The following SNX31 variants were observed in gnomAD, a reference collection of about 807,000 sequenced individuals.
SNX31 encodes the protein sorting nexin 31, also known as sorting nexin-31.
SNX31 carries 58 observed loss-of-function variants against 65.4 expected under a neutral mutation model. The observed-to-expected ratio is 0.89, with a 90% CI of 0.72 to 1.10. The LOEUF (loss-of-function observed/expected upper bound fraction) is 1.10, where lower values mean the gene tolerates loss of function less well. Ranked by LOEUF, SNX31 falls within the 50% of genes least tolerant of loss-of-function variation. The pLI is 0.00. For synonymous variants in SNX31, 181 were observed against 190.1 expected (o/e 0.95, Z 0.39); for missense variants, 523 against 529.7 (o/e 0.99, Z 0.12).
rs1266629691 is a variant in SNX31 at position 100,622,791 on chromosome 8, T to A, written c.322-5061A>T. The stretch of plus-strand genomic sequence containing the variant: ...CGACTGCATACTTATCCTACAGATA[T>A]GTAAGAAGAGAATATTAAGGCTAAA... On this transcript the variant is annotated intron_variant, in intron 4 of 13. Transcript: ENST00000311812. The surrounding 1 kb of genome is among the most constrained non-coding windows in gnomAD (Gnocchi z 5.0). 6.6e-6 allele frequency among the ~76,000 whole-genome samples: 1 copy of A among 152,186 alleles called. No homozygotes were observed. The highest frequency in any genetic ancestry group is 2.4e-5 in the African/African-American group (1 of 41,434).
rs1816836078 is a variant in SNX31 at position 100,612,872 on chromosome 8, G to A, written c.523+123C>T. 1.2e-6 allele frequency: 1 copy of A among 823,032 alleles called. No individual in the cohort carries two copies. The highest frequency in any genetic ancestry group is 1.7e-5 in the African/African-American group (1 of 59,120). 51.0% of individuals were successfully genotyped at this position (823,032 alleles called of 1,614,324 possible). On this transcript the variant is annotated intron_variant, in intron 6 of 13. Transcript: ENST00000311812. This position sits in a 1 kb window ranked among gnomAD's most constrained non-coding sequence, Gnocchi z 4.3. ...TCCCTAAACCCTTAACCCAGTGACT[G>A]AGAACAGTGGTAGGGATCACAGCCC...
At chr8:100,639,533 GT>G (rs1470373713) in intron 2 of SNX31, among the ~76,000 whole-genome samples, 3 of 152,218 alleles carry the variant, frequency 2.0e-5, no homozygotes, top group African/African-American at 7.2e-5. Context: ...TGTAGTGGCA[GT>G]TTACACATAA....
At chr8:100,623,343 A>T (rs910616478) in intron 4 of SNX31, among the ~76,000 whole-genome samples, 2 of 152,152 alleles carry the variant, frequency 1.3e-5, no homozygotes, top group Admixed American at 1.3e-4. Context: ...CCATGATCCA[A>T]TCACCTCCCG....
intron 3 of SNX31, among the ~76,000 whole-genome samples, chr8:100,632,953 C>G (rs1380606024): frequency 7.2e-5 from 11 of 152,072 alleles, no homozygotes; most frequent in Admixed American, 7.2e-4. Context: ...GAGACAGGGT[C>G]TTTCTCTGTT....
chr8:100,633,456 T>A (rs1173347522), intron 3 of SNX31, among the ~76,000 whole-genome samples: 2 of 152,030 alleles, frequency 1.3e-5, no homozygotes, highest in Non-Finnish European at 2.9e-5. Context: ...CAGGCTGGAG[T>A]GCAATGGTGT....
rs1393917277 is a variant in SNX31, at chr8:100,614,637, G to A, written c.433-1552C>T. Among the ~76,000 whole-genome samples the A allele has an allele frequency of 1.3e-5, 2 of 152,142 alleles. No homozygotes were observed. The highest frequency in any genetic ancestry group is 4.8e-5 in the African/African-American group (2 of 41,432). On this transcript the variant is annotated intron_variant, in intron 5 of 13. Coordinates refer to ENST00000311812, the MANE Select transcript of SNX31 (RefSeq NM_152628.4). This position sits in a 1 kb window ranked among gnomAD's most constrained non-coding sequence, Gnocchi z 5.1. ...TGCCTGTAATCCCAGCACTTTGGAA[G>A]GCTGAGGCGGGTTGATCACCTAAGG...
chr8:100,576,274 A>T lies in SNX31; in HGVS notation c.1227+745T>A, dbSNP rs999690518. 6.6e-6 allele frequency among the ~76,000 whole-genome samples: 1 copy of T among 152,250 alleles called. No individual in the cohort carries two copies. Among genetic ancestry groups the T allele is most frequent in the Non-Finnish European group, 1.5e-5 (1 of 68,042 alleles). ...TTTACATACACACCAGTTCTGTGAC[A>T]GGTGCTGGATCAAGAAGAAATCCCA... On this transcript the variant is annotated intron_variant, in intron 13 of 13. Coordinates refer to ENST00000311812, the MANE Select transcript of SNX31 (RefSeq NM_152628.4). The surrounding 1 kb of genome is among the most constrained non-coding windows in gnomAD (Gnocchi z 4.8).
At chr8:100,654,468 A>G (rs912569371), upstream of SNX31, among the ~76,000 whole-genome samples, 5 of 152,366 alleles carry the variant, frequency 3.3e-5, no homozygotes, top group East Asian at 7.7e-4. Context: ...TCACTTCTCC[A>G]AACAAAAATA....
chr8:100,649,629 G>T lies in SNX31; in HGVS notation c.-115C>A. On this transcript the variant is annotated 5_prime_UTR_variant, in exon 1 of 14. It introduces an in-frame stop codon into an upstream open reading frame of the 5' UTR. Transcript: ENST00000311812. ...CGCGGCCTGCCACGCGACTCAGAGC[G>T]AACCCCGGCGCCCGCTCTCGCCGGC... 9.9e-7 allele frequency: 1 copy of T among 1,008,054 alleles called. No individual in the cohort carries two copies. Among genetic ancestry groups the T allele is most frequent in the Non-Finnish European group, 1.4e-6 (1 of 705,236 alleles). The allele number at this position is 1,008,054 out of a possible 1,614,324, so 62.4% of individuals were successfully genotyped here.
At chr8:100,581,343 A>ATC (rs1813528102) in intron 12 of SNX31, among the ~76,000 whole-genome samples, 1 of 146,350 alleles carries the variant, frequency 6.8e-6, no homozygotes, top group East Asian at 1.9e-4. Context: ...CTATCTATAT[A>ATC]TATATATATA....
intron 1 of SNX31, among the ~76,000 whole-genome samples, chr8:100,662,860 G>C (rs901781479): frequency 2.0e-5 from 3 of 152,154 alleles, no homozygotes; most frequent in Non-Finnish European, 4.4e-5. Flanking sequence ...CCCAAAAATA[G>C]AGTATCATAA....
At chr8:100,608,724 C>T (rs987198817) in intron 7 of SNX31, among the ~76,000 whole-genome samples, 161 bp from the exon 8 acceptor site, 5 of 152,216 alleles carry the variant, frequency 3.3e-5, no homozygotes, top group African/African-American at 1.2e-4. Context: ...GCCCCTCCAC[C>T]TCTTTCGTTT....
At chr8:100,649,822 G>T (rs1195313363), upstream of SNX31, among the ~76,000 whole-genome samples, 5 of 152,242 alleles carry the variant, frequency 3.3e-5, no homozygotes, top group African/African-American at 1.2e-4. Flanking sequence ...CTCCAAGAAG[G>T]CCCGTGAGGG....
intron 4 of SNX31, among the ~76,000 whole-genome samples, chr8:100,627,497 A>G (rs1175268217): frequency 6.6e-6 from 1 of 152,256 alleles, no homozygotes; most frequent in Non-Finnish European, 1.5e-5. Flanking sequence ...ATGTGCAGAT[A>G]TAGAATGATC....
In SNX31 at chr8:100,612,551, T is replaced by G. The variant is rs935199351; in HGVS notation, c.523+444A>C. Among the ~76,000 whole-genome samples, 2 of 152,078 alleles carry G rather than the reference T, an allele frequency of 1.3e-5. No homozygotes were observed. The highest frequency in any genetic ancestry group is 2.4e-5 in the African/African-American group (1 of 41,402). ...AAAACAAAAGATAGGAGAATCAGAC[T>G]GTCTTCTTACACTATCTCATTACAC... On this transcript the variant is annotated intron_variant, in intron 6 of 13. Transcript: ENST00000311812. The surrounding 1 kb of genome is among the most constrained non-coding windows in gnomAD (Gnocchi z 4.3).
At position 100,613,882 on chromosome 8, in the gene SNX31, C is replaced by A. The variant is rs955378250; in HGVS notation, c.433-797G>T. ...TTAACACTGGGCTCTCGAGTAATTT[C>A]TTTATACTCCTGGTCTTAACTCACT... On this transcript the variant is annotated intron_variant, in intron 5 of 13. Transcript: ENST00000311812. The surrounding 1 kb of genome is among the most constrained non-coding windows in gnomAD (Gnocchi z 5.2). 2.0e-5 allele frequency among the ~76,000 whole-genome samples: 3 copies of A among 152,142 alleles called. No homozygotes were observed. Among genetic ancestry groups the A allele is most frequent in the Admixed American group, 1.3e-4 (2 of 15,276 alleles).
At chr8:100,628,826 G>A (rs931846916) in intron 4 of SNX31, among the ~76,000 whole-genome samples, 1 of 146,492 alleles carries the variant, frequency 6.8e-6, no homozygotes, top group Non-Finnish European at 1.5e-5. Context: ...GTGTGTGTGT[G>A]TGTGTGTGTG....
chr8:100,642,868 A>T (rs1260936962), intron 2 of SNX31, among the ~76,000 whole-genome samples: 1 of 152,188 alleles, frequency 6.6e-6, no homozygotes, highest in South Asian at 2.1e-4. Flanking sequence ...GGTTTTTTTT[A>T]AGACTGTGAT....
chr8:100,649,501 A>T lies in SNX31; in HGVS notation c.14T>A (p.Phe5Tyr). 1 of 1,575,840 alleles carries T rather than the reference A, an allele frequency of 6.3e-7. No individual in the cohort carries two copies. Among genetic ancestry groups the T allele is most frequent in the South Asian group, 1.2e-5 (1 of 86,074 alleles). MKMH[F>Y]CIPVSQQRSD... ...CCGCTGCTGGGACACCGGGATACAG[A>T]AATGCATCTTCATGGCTGAGCGGTG... Residue 5 changes from phenylalanine to tyrosine, a missense_variant, in exon 1 of 14, where the codon TTC becomes TAC. Coordinates refer to ENST00000311812, the MANE Select transcript of SNX31 (RefSeq NM_152628.4).
Sources: allele counts gnomAD v4.1 joint callset (sites outside exome capture counted in the v4.1 genomes callset), GRCh38; gene constraint gnomAD v4.1.1; non-coding constraint Gnocchi (gnomAD v3.1); transcripts MANE v1.5; gene names NCBI Gene and HGNC (gene_info 2026-07-23, HGNC 2026-07-21).